Variants in LUZP2 observed in about 807,000 individuals in gnomAD.
LUZP2 encodes leucine zipper protein 2.
In LUZP2, 52 loss-of-function variants were observed where a neutral mutation model predicts 51.6. That is an observed-to-expected ratio of 1.01 (90% CI 0.81 to 1.27). The LOEUF (loss-of-function observed/expected upper bound fraction) is 1.27. Among genes scored for constraint, LUZP2 ranks in the 50% most tolerant of loss-of-function variants. LUZP2 has a pLI of 0.00. For missense variants in LUZP2, 436 were observed against 395.4 expected (o/e 1.10, Z -0.87); for synonymous variants, 154 against 137.3 (o/e 1.12, Z -0.85).
At chr11:25,066,933 C>G (rs1859011613) in intron 10 of LUZP2, among the ~76,000 whole-genome samples, 1 of 151,944 alleles carries the variant, frequency 6.6e-6, no homozygotes, top group South Asian at 2.1e-4. Context: ...TAGCATAATC[C>G]TCAAAATCCT....
At chr11:24,973,058 GTT>G (rs71044327) in intron 7 of LUZP2, among the ~76,000 whole-genome samples, 2 of 135,546 alleles carry the variant, frequency 1.5e-5, no homozygotes, top group East Asian at 4.3e-4. Flanking sequence ...CTGGTCCTGG[GTT>G]TTTTTTTTTT....
intron 1 of LUZP2, among the ~76,000 whole-genome samples, chr11:24,712,026 G>A (rs950962111): frequency 3.9e-5 from 6 of 152,102 alleles, no homozygotes; most frequent in Admixed American, 6.5e-5. Context: ...ATACCATAGC[G>A]TGTTGTCAAA....
chr11:24,684,002 A>G (rs1856824932), intron 1 of LUZP2, among the ~76,000 whole-genome samples: 1 of 152,158 alleles, frequency 6.6e-6, no homozygotes, highest in Non-Finnish European at 1.5e-5. Context: ...TATATGTTCT[A>G]TATCAAAATA....
At chr11:24,828,558 G>GAAAAAA (rs57464249) in intron 5 of LUZP2, among the ~76,000 whole-genome samples, 1 of 135,002 alleles carries the variant, frequency 7.4e-6, no homozygotes. Flanking sequence ...CCCTGTGGCA[G>GAAAAAA]AAAAAAAAAA....
At chr11:25,048,679 G>A (rs1402407426) in intron 9 of LUZP2, among the ~76,000 whole-genome samples, 4 of 152,014 alleles carry the variant, frequency 2.6e-5, no homozygotes, top group Non-Finnish European at 2.9e-5. Flanking sequence ...GAGGTCAGAC[G>A]TAGGATTCCT....
At chr11:24,767,601 A>T (rs1860240114) in intron 5 of LUZP2, among the ~76,000 whole-genome samples, 1 of 152,206 alleles carries the variant, frequency 6.6e-6, no homozygotes, top group African/African-American at 2.4e-5. Flanking sequence ...GCATTTATTT[A>T]CAATGGCCCA....
At chr11:24,876,023 G>T (rs1356243920) in intron 5 of LUZP2, among the ~76,000 whole-genome samples, 28 of 151,900 alleles carry the variant, frequency 1.8e-4, no homozygotes, top group African/African-American at 6.1e-4. Context: ...AGATGAGTAG[G>T]TTGCGAAAAT....
intron 5 of LUZP2, among the ~76,000 whole-genome samples, chr11:24,866,269 A>C (rs1476480847): frequency 1.3e-5 from 2 of 152,210 alleles, no homozygotes; most frequent in Non-Finnish European, 2.9e-5. Flanking sequence ...TAAAGAGTTC[A>C]ACATAGTATC....
chr11:24,738,876 A>G (rs1157515111), intron 4 of LUZP2, among the ~76,000 whole-genome samples: 1 of 152,088 alleles, frequency 6.6e-6, no homozygotes, highest in Non-Finnish European at 1.5e-5. Flanking sequence ...TACCACAGGC[A>G]GGAGGGATGG....
intron 7 of LUZP2, among the ~76,000 whole-genome samples, chr11:24,935,698 A>G (rs1854567605): frequency 6.6e-6 from 1 of 152,204 alleles, no homozygotes. Flanking sequence ...GTGAAAAAAT[A>G]GTAATTCACT....
chr11:24,882,369 C>T (rs1852498737), intron 5 of LUZP2, among the ~76,000 whole-genome samples: 1 of 151,946 alleles, frequency 6.6e-6, no homozygotes, highest in African/African-American at 2.4e-5. Flanking sequence ...TTCTCTCACA[C>T]ACTCACATCT....
At chr11:24,958,592 A>G (rs960509749) in intron 7 of LUZP2, among the ~76,000 whole-genome samples, 1 of 151,478 alleles carries the variant, frequency 6.6e-6, no homozygotes, top group South Asian at 2.1e-4. Flanking sequence ...CCACTTTTTG[A>G]TGGGGTTGTT....
chr11:25,019,852 T>C (rs1857279790), intron 9 of LUZP2, among the ~76,000 whole-genome samples: 1 of 152,088 alleles, frequency 6.6e-6, no homozygotes, highest in Non-Finnish European at 1.5e-5. Context: ...GGATCTAGTG[T>C]CACATACTTT....
rs147916115 is a variant in LUZP2 at position 24,946,219 on chromosome 11, G to T, written c.523-30372G>T. Among the ~76,000 whole-genome samples the T allele has an allele frequency of 6.6e-3, 998 of 152,064 alleles. 5 individuals carry two copies. The highest frequency in any genetic ancestry group is 0.019 in the African/African-American group (773 of 41,524). On this transcript the variant is annotated intron_variant, in intron 7 of 11. Coordinates refer to ENST00000336930, the MANE Select transcript of LUZP2 (RefSeq NM_001009909.4). ...TTGTTCATCCGTTTGTTAGAATATG[G>T]ACATTAGCTTGCCTCTACTTTTTAG...
intron 9 of LUZP2, among the ~76,000 whole-genome samples, chr11:25,010,703 C>G (rs1856958760): frequency 6.6e-6 from 1 of 151,848 alleles, no homozygotes; most frequent in Non-Finnish European, 1.5e-5. Flanking sequence ...AAAAATTAGC[C>G]AGGCATGGTG....
chr11:24,941,765 G>A (rs1854754356), intron 7 of LUZP2, among the ~76,000 whole-genome samples: 1 of 152,020 alleles, frequency 6.6e-6, no homozygotes, highest in Admixed American at 6.6e-5. Flanking sequence ...TTTATTGTCA[G>A]CTATAAGTAT....
intron 5 of LUZP2, among the ~76,000 whole-genome samples, chr11:24,833,425 G>A (rs1278969709): frequency 3.3e-5 from 5 of 152,016 alleles, no homozygotes; most frequent in African/African-American, 7.3e-5. Flanking sequence ...AAAAATATTC[G>A]TGCATTTTCT....
intron 1 of LUZP2, among the ~76,000 whole-genome samples, chr11:24,618,279 A>C (rs1233830067): frequency 6.6e-6 from 1 of 152,342 alleles, no homozygotes; most frequent in East Asian, 1.9e-4. Flanking sequence ...CAGGCTCCCC[A>C]GAAGGTCTTC....
intron 1 of LUZP2, among the ~76,000 whole-genome samples, chr11:24,702,990 T>A (rs1857462063): frequency 6.6e-6 from 1 of 152,160 alleles, no homozygotes; most frequent in Admixed American, 6.5e-5. Context: ...ATGGTAAAAC[T>A]AAAACATGGA....
Sources: gnomAD v4.1 joint callset for allele counts (sites outside exome capture counted in the v4.1 genomes callset) on GRCh38, gnomAD v4.1.1 for gene constraint, MANE v1.5 for transcripts, NCBI Gene and HGNC (gene_info 2026-07-23, HGNC 2026-07-21) for gene names.